The following MIPOL1 variants were observed in gnomAD, a reference collection of about 807,000 sequenced individuals.
The protein encoded by MIPOL1 is mirror-image polydactyly 1.
A neutral mutation model predicts 60.9 loss-of-function variants in MIPOL1; 57 were observed. The ratio of observed to expected loss-of-function variants is 0.94; its 90% CI spans 0.76 to 1.17. MIPOL1 has a LOEUF of 1.17. MIPOL1 is among the 50% of genes most tolerant of loss of function. MIPOL1 has a pLI of 0.00. For synonymous variants in MIPOL1, 179 were observed against 168.8 expected (o/e 1.06, Z -0.47); for missense variants, 551 against 511.6 (o/e 1.08, Z -0.74).
intron 11 of MIPOL1, among the ~76,000 whole-genome samples, chr14:37,444,016 G>A (rs1190820128): frequency 6.6e-6 from 1 of 152,110 alleles, no homozygotes; most frequent in African/African-American, 2.4e-5. Flanking sequence ...TATATTTAAT[G>A]ACAAAGGCTA....
intron 9 of MIPOL1, among the ~76,000 whole-genome samples, chr14:37,356,503 A>T (rs1425875039): frequency 6.6e-6 from 1 of 151,854 alleles, no homozygotes; most frequent in African/African-American, 2.4e-5. Context: ...CCCCTCCCCC[A>T]GCCTCGCTGC....
chr14:37,238,077 C>T (rs148478289), intron 1 of MIPOL1, among the ~76,000 whole-genome samples: 1 of 152,290 alleles, frequency 6.6e-6, no homozygotes, highest in Non-Finnish European at 1.5e-5. Context: ...AGTGATCCTC[C>T]TTCCTTGGTC....
chr14:37,482,071 A>G (rs2094879520), intron 11 of MIPOL1, among the ~76,000 whole-genome samples: 1 of 152,112 alleles, frequency 6.6e-6, no homozygotes, highest in Non-Finnish European at 1.5e-5. Context: ...AAAAAAATAG[A>G]CAGATGAGAT....
intron 12 of MIPOL1, among the ~76,000 whole-genome samples, chr14:37,509,797 A>G (rs934283699): frequency 3.3e-5 from 5 of 150,944 alleles, no homozygotes; most frequent in African/African-American, 9.8e-5. Flanking sequence ...ATGTATATCT[A>G]TCTACTTATG....
At chr14:37,458,917 C>G (rs1378529747) in intron 11 of MIPOL1, among the ~76,000 whole-genome samples, 1 of 151,316 alleles carries the variant, frequency 6.6e-6, no homozygotes, top group Non-Finnish European at 1.5e-5. Context: ...CTGAATGATC[C>G]TTGGATAAAT....
intron 1 of MIPOL1, among the ~76,000 whole-genome samples, chr14:37,234,453 C>T (rs937851036): frequency 6.6e-5 from 10 of 150,556 alleles, no homozygotes; most frequent in Admixed American, 4.0e-4. Context: ...GGCATCTCAA[C>T]GTGCTGGTAT....
chr14:37,295,960 G>T (rs922408184), intron 7 of MIPOL1, among the ~76,000 whole-genome samples: 1 of 152,030 alleles, frequency 6.6e-6, no homozygotes, highest in African/African-American at 2.4e-5. Flanking sequence ...AGACCTAATA[G>T]ACATCTACAG....
chr14:37,369,437 T>A, intron 9 of MIPOL1, 80 bp from the exon 10 acceptor site: 1 of 923,684 alleles, frequency 1.1e-6, no homozygotes, highest in South Asian at 1.6e-5. Context: ...TACAATGATA[T>A]TATTTACATT....
chr14:37,425,893 G>A (rs2093952520), intron 11 of MIPOL1, among the ~76,000 whole-genome samples: 1 of 152,124 alleles, frequency 6.6e-6, no homozygotes, highest in African/African-American at 2.4e-5. Context: ...AGTCAACAGA[G>A]TATTAGATAT....
intron 11 of MIPOL1, among the ~76,000 whole-genome samples, chr14:37,499,242 T>C (rs997636425): frequency 6.6e-6 from 1 of 152,206 alleles, no homozygotes; most frequent in Non-Finnish European, 1.5e-5. Context: ...TTTGTCTGCA[T>C]TTTCTTCTGC....
chr14:37,398,772 T>C (rs1183995011), intron 10 of MIPOL1, among the ~76,000 whole-genome samples: 1 of 152,208 alleles, frequency 6.6e-6, no homozygotes, highest in Non-Finnish European at 1.5e-5. Context: ...TTTTCGTTTT[T>C]CTTTGATATG....
chr14:37,393,565 C>G (rs910938867), intron 10 of MIPOL1, among the ~76,000 whole-genome samples: 3 of 151,770 alleles, frequency 2.0e-5, no homozygotes, highest in African/African-American at 7.3e-5. Flanking sequence ...GATCATCAAG[C>G]AGGTTTAAAG....
chr14:37,272,686 C>T (rs1002159723), intron 6 of MIPOL1, among the ~76,000 whole-genome samples: 3 of 151,484 alleles, frequency 2.0e-5, no homozygotes, highest in African/African-American at 7.2e-5. Context: ...TGTGAAAGAA[C>T]AAATAATCCA....
At position 37,524,918 on chromosome 14, in the gene MIPOL1, C is replaced by G. The variant is rs1406958124; in HGVS notation, c.1263-21987C>G. On this transcript the variant is annotated intron_variant, in intron 12 of 12. Coordinates refer to ENST00000684589, the MANE Select transcript of MIPOL1 (RefSeq NM_001388067.1). ...GAAGTATAATCATTAACATGAAAGA[C>G]TACAAAATAAAACTGGAAATAAAAT... Among the ~76,000 whole-genome samples the G allele has an allele frequency of 5.3e-5, 8 of 151,914 alleles. No homozygotes were observed. In the East Asian group the frequency reaches 1.6e-3, roughly 29 times the overall value.
Position 37,260,180 on chromosome 14 carries a change from AG to A in MIPOL1, c.20-6756del, listed in dbSNP as rs572853922. ...CAGCACTTTGGAAGGCCAAGGTGGG[AG>A]GATTGCTTGAGCTCAGGAGTTTGAG... is the stretch of plus-strand genomic sequence containing the variant. On this transcript the variant is annotated intron_variant, in intron 3 of 12. Coordinates refer to ENST00000684589, the MANE Select transcript of MIPOL1 (RefSeq NM_001388067.1). 2.0e-3 allele frequency among the ~76,000 whole-genome samples: 293 copies of A among 149,156 alleles called. 1 individual carries two copies. The highest frequency in any genetic ancestry group is 6.9e-3 in the Middle Eastern group (2 of 288).
chr14:37,480,157 A>C (rs964685304), intron 11 of MIPOL1, among the ~76,000 whole-genome samples: 2 of 151,984 alleles, frequency 1.3e-5, no homozygotes, highest in Non-Finnish European at 2.9e-5. Flanking sequence ...TCCTTCTCTA[A>C]CTCTTCCCAA....
chr14:37,272,585 GA>G (rs931654171), intron 6 of MIPOL1, among the ~76,000 whole-genome samples: 1 of 151,278 alleles, frequency 6.6e-6, no homozygotes, highest in African/African-American at 2.4e-5. Flanking sequence ...AAGCAAAACA[GA>G]ACAACAAAAA....
intron 1 of MIPOL1, among the ~76,000 whole-genome samples, chr14:37,231,932 A>G (rs1304555067): frequency 1.3e-5 from 2 of 151,892 alleles, no homozygotes; most frequent in Non-Finnish European, 2.9e-5. Flanking sequence ...ATTTTACAAA[A>G]GTAGCCGGAT....
rs141971391 is a variant in MIPOL1, at chr14:37,338,628, A to G, written c.828+30109A>G. ...TTTGCCGTGTTTCCCAGGCTGGTCT[A>G]GAAGTCCTGGCCTCAAGTGATTTGC... is the stretch of plus-strand genomic sequence containing the variant. On this transcript the variant is annotated intron_variant, in intron 9 of 12. Coordinates refer to ENST00000684589, the MANE Select transcript of MIPOL1 (RefSeq NM_001388067.1). Among the ~76,000 whole-genome samples the G allele has an allele frequency of 5.1e-3, 771 of 151,940 alleles. 5 individuals are homozygous for G. The highest frequency in any genetic ancestry group is 0.017 in the African/African-American group (724 of 41,438).
Sources: allele counts gnomAD v4.1 joint callset (sites outside exome capture counted in the v4.1 genomes callset), GRCh38; gene constraint gnomAD v4.1.1; transcripts MANE v1.5; gene names NCBI Gene and HGNC (gene_info 2026-07-23, HGNC 2026-07-21).